Variants in MAST4 observed in about 807,000 individuals in gnomAD.
MAST4 encodes microtubule-associated serine/threonine-protein kinase 4.
A neutral mutation model predicts 162.7 loss-of-function variants in MAST4; 89 were observed. That is an observed-to-expected ratio of 0.55 (90% confidence interval 0.46 to 0.65). The LOEUF (loss-of-function observed/expected upper bound fraction) is 0.65. Among genes scored for constraint, MAST4 ranks in the 30% least tolerant of loss-of-function variants. MAST4 has a pLI of 0.00. For synonymous variants in MAST4, 1,479 were observed against 1,361.1 expected (o/e 1.09, Z -1.91); for missense variants, 3,153 against 3,374.0 (o/e 0.93, Z 1.62).
chr5:67,047,401 C>G (rs1194038395), intron 4 of MAST4, among the ~76,000 whole-genome samples: 4 of 152,208 alleles, frequency 2.6e-5, no homozygotes, highest in African/African-American at 4.8e-5. Context: ...CTAGAACACT[C>G]TGGCCTCAGG....
intron 5 of MAST4, among the ~76,000 whole-genome samples, chr5:67,088,814 G>C (rs966804947): frequency 6.6e-6 from 1 of 152,216 alleles, no homozygotes; most frequent in African/African-American, 2.4e-5. Flanking sequence ...GGCTGTGATT[G>C]TGCTGTCTGT....
intron 2 of MAST4, among the ~76,000 whole-genome samples, chr5:66,766,174 A>G (rs904636548): frequency 4.6e-5 from 7 of 152,186 alleles, no homozygotes; most frequent in African/African-American, 1.7e-4. Context: ...ATGCAAATGC[A>G]TGCCCCAAAT....
At chr5:66,923,523 T>C (rs1764682166) in intron 4 of MAST4, among the ~76,000 whole-genome samples, 1 of 152,230 alleles carries the variant, frequency 6.6e-6, no homozygotes, top group Non-Finnish European at 1.5e-5. Context: ...GTGCTTTCTG[T>C]AGGTAGAAGT....
rs370051542 is a variant in MAST4, at chr5:67,166,014, A to G, written c.6835A>G (p.Arg2279Gly). The change falls in exon 29 of 29, where the codon AGG becomes GGG. Residue 2279 changes from arginine (R) to glycine (G), a missense_variant. This residue lies in a region of MAST4 where 1,644 missense variants were observed against 1,495.0 expected (regional missense o/e 1.10). Transcript: ENST00000403625. ...GCCCTCTGTCCCACTGCACACTGAC[A>G]GGGCTCCTCTAGACGCCAAGCCACA... is the stretch of plus-strand genomic sequence containing the variant. ...GGPSVPLHTD[R>G]APLDAKPQPT... is the part of the protein sequence containing the mutation. The G allele has an allele frequency of 6.2e-6, 10 of 1,613,552 alleles. No homozygotes were observed. The African/African-American group carries it at 1.1e-4, about 17-fold the overall frequency.
chr5:66,709,763 C>T (rs1750377972), intron 1 of MAST4, among the ~76,000 whole-genome samples: 1 of 152,120 alleles, frequency 6.6e-6, no homozygotes, highest in African/African-American at 2.4e-5. Flanking sequence ...AAAAAATAAT[C>T]ACCAGACTGT....
chr5:66,846,774 A>T (rs1333294191), intron 3 of MAST4, among the ~76,000 whole-genome samples: 4 of 152,222 alleles, frequency 2.6e-5, no homozygotes, highest in African/African-American at 4.8e-5. Context: ...AGTTAATTTT[A>T]GTTCTTGTAA....
chr5:66,618,033 T>TGGGGGGGGGGGGGG (rs66792189), intron 1 of MAST4, among the ~76,000 whole-genome samples: 1 of 143,666 alleles, frequency 7.0e-6, no homozygotes, highest in Non-Finnish European at 1.5e-5. Flanking sequence ...CTGGGAGGAA[T>TGGGGGGGGGGGGGG]GGGGGGGGGG....
At chr5:66,988,773 G>A (rs1473161094) in intron 4 of MAST4, among the ~76,000 whole-genome samples, 1 of 152,146 alleles carries the variant, frequency 6.6e-6, no homozygotes, top group Non-Finnish European at 1.5e-5. Context: ...TGACAAGTTT[G>A]AGTCTACAAA....
chr5:66,670,027 C>T (rs1036753799), intron 1 of MAST4, among the ~76,000 whole-genome samples: 1 of 152,132 alleles, frequency 6.6e-6, no homozygotes, highest in Non-Finnish European at 1.5e-5. Flanking sequence ...TGGGATGTGC[C>T]GGGTTTTCTA....
intron 11 of MAST4, 33 bp downstream of exon 11, chr5:67,110,232 A>G (rs1238148738): frequency 1.4e-6 from 2 of 1,467,430 alleles, no homozygotes; most frequent in Admixed American, 3.4e-5. Flanking sequence ...TACATTATTT[A>G]TTGTTAACTG....
rs73765769 is a variant in MAST4, at chr5:66,881,461, T to G, written c.643-18490T>G. 7.3e-3 allele frequency among the ~76,000 whole-genome samples: 1,113 copies of G among 152,344 alleles called. 13 individuals carry two copies. The highest frequency in any genetic ancestry group is 0.025 in the African/African-American group (1,049 of 41,578). ...CCATTTCTCTTTCCTAACACAAGAA[T>G]GCAGTTATTTTTCTCCTATTTTGCA... On this transcript the variant is annotated intron_variant, in intron 3 of 28. Transcript: ENST00000403625.
intron 1 of MAST4, among the ~76,000 whole-genome samples, chr5:66,658,834 C>G (rs772819875): frequency 6.6e-6 from 1 of 152,004 alleles, no homozygotes; most frequent in Non-Finnish European, 1.5e-5. Context: ...CTAGCCTGAG[C>G]AACATGGTGA....
rs747315543 is a variant in MAST4 at position 67,142,550 on chromosome 5, A to G, written c.2730+17A>G. ...TTTTCAAAAGTAAGTGAAATGTGGCATAAACATACAGAGTCTCTCTGGGAG... is the reference window on the plus strand; with the variant it reads ...TTTTCAAAAGTAAGTGAAATGTGGCGTAAACATACAGAGTCTCTCTGGGAG... On this transcript the variant is annotated intron_variant, in intron 21 of 28. Transcript: ENST00000403625. 1.4e-6 allele frequency: 2 copies of G among 1,461,926 alleles called. No homozygotes were observed. The highest frequency in any genetic ancestry group is 1.4e-5 in the African/African-American group (1 of 71,694). 90.6% of individuals were successfully genotyped at this position (1,461,926 alleles called of 1,614,324 possible). A position where few individuals can be genotyped will look rare whatever the true frequency, so the allele number is the denominator to read the frequency against.
rs754510076 is a variant in MAST4 at position 67,124,420 on chromosome 5, GTCTC to G, written c.1745+3330_1745+3333del. Among the ~76,000 whole-genome samples, 64 of 151,098 alleles carry G rather than the reference GTCTC, an allele frequency of 4.2e-4. No individual in the cohort carries two copies. The East Asian group carries it at 0.011, about 27-fold the overall frequency. On this transcript the variant is annotated intron_variant, in intron 14 of 28. Coordinates refer to ENST00000403625, the MANE Select transcript of MAST4 (RefSeq NM_001164664.2). Reference sequence around the variant, plus strand: ...GTCAGAGCTCTTCTTGTTTCTCTCTGTCTCTCTCTCTCTCTGTGCTAACTTTAAG... The same window carrying G: ...GTCAGAGCTCTTCTTGTTTCTCTCTGTCTCTCTCTCTGTGCTAACTTTAAG...
intron 1 of MAST4, among the ~76,000 whole-genome samples, chr5:66,651,735 T>A (rs1458850826): frequency 6.6e-6 from 1 of 152,146 alleles, no homozygotes; most frequent in African/African-American, 2.4e-5. Context: ...ACACTCTAGG[T>A]GTCAAGCCAG....
In MAST4 at chr5:66,899,998, T is replaced by C; in HGVS notation, c.674+16T>C. 6.7e-7 allele frequency: 1 copy of C among 1,488,964 alleles called. No individual in the cohort carries two copies. 92.2% of individuals were successfully genotyped at this position (1,488,964 alleles called of 1,614,324 possible). On this transcript the variant is annotated intron_variant, in intron 4 of 28. Coordinates refer to ENST00000403625, the MANE Select transcript of MAST4 (RefSeq NM_001164664.2). ...GAGGAAGTTTGTAAGTAGTAGTATT[T>C]TGTTTCCTTGTTTTCTTTTTATTAA...
In MAST4 at chr5:67,145,330, G is replaced by A; in HGVS notation, c.3045G>A (p.Glu1015=). ...ALPPEECAQE[E]PEVTTPASTI... ...CTCCTGAAGAGTGTGCCCAGGAGGA[G>A]CCTGAGGTCACCACCCCAGCCAGCA... The change falls in exon 23 of 29, where the codon GAG becomes GAA. Residue 1015 remains glutamate, a synonymous_variant. Transcript: ENST00000403625. 1 of 1,613,358 alleles carries A rather than the reference G, an allele frequency of 6.2e-7. No individual in the cohort carries two copies. Among genetic ancestry groups the A allele is most frequent in the Non-Finnish European group, 8.5e-7 (1 of 1,179,868 alleles).
chr5:67,160,794 G>A (rs1773102557), intron 27 of MAST4, among the ~76,000 whole-genome samples: 1 of 152,168 alleles, frequency 6.6e-6, no homozygotes, highest in African/African-American at 2.4e-5. Flanking sequence ...TATTTACATT[G>A]TGGAAGGATT....
chr5:67,163,084 C>A lies in MAST4; in HGVS notation c.3968-63C>A. On this transcript the variant is annotated intron_variant, in intron 28 of 28. Transcript: ENST00000403625. This position sits in a 1 kb window ranked among gnomAD's most constrained non-coding sequence, Gnocchi z 7.0. ...GCCTTACCTAATACAGTCTGGGCTA[C>A]AACTGTGAAAAAAAGGGGAAAATGA... The A allele has an allele frequency of 6.6e-7, 1 of 1,525,568 alleles. No homozygotes were observed. Among genetic ancestry groups the A allele is most frequent in the Non-Finnish European group, 8.9e-7 (1 of 1,122,040 alleles). The allele number at this position is 1,525,568 out of a possible 1,614,324, so 94.5% of individuals were successfully genotyped here.
Sources: allele counts gnomAD v4.1 joint callset (sites outside exome capture counted in the v4.1 genomes callset), GRCh38; gene constraint gnomAD v4.1.1; regional missense constraint gnomAD v4.1.1; non-coding constraint Gnocchi (gnomAD v3.1); transcripts MANE v1.5; gene names NCBI Gene and HGNC (gene_info 2026-07-23, HGNC 2026-07-21).